The following AZIN1 variants were observed in gnomAD, a reference collection of about 807,000 sequenced individuals.
AZIN1 encodes the protein antizyme inhibitor 1.
AZIN1 carries 12 observed loss-of-function variants against 47.4 expected under a neutral mutation model. The observed-to-expected ratio is 0.25, with a 90% confidence interval of 0.16 to 0.41. The LOEUF (loss-of-function observed/expected upper bound fraction) is 0.41, where lower values mean the gene tolerates loss of function less well. Ranked by LOEUF, AZIN1 falls within the 10% of genes least tolerant of loss-of-function variation. AZIN1 has a pLI of 1.00. For synonymous variants in AZIN1, 155 were observed against 176.3 expected (o/e 0.88, Z 0.96); for missense variants, 410 against 532.4 (o/e 0.77, Z 2.26).
At chr8:102,853,791 A>T (rs1355968262) in intron 2 of AZIN1, among the ~76,000 whole-genome samples, 1 of 151,688 alleles carries the variant, frequency 6.6e-6, no homozygotes, top group Non-Finnish European at 1.5e-5. Flanking sequence ...AACCGCCATT[A>T]ATGAATGTTC....
intron 2 of AZIN1, among the ~76,000 whole-genome samples, chr8:102,849,138 TAA>T (rs1476872033): frequency 6.6e-6 from 1 of 151,878 alleles, no homozygotes; most frequent in South Asian, 2.1e-4. Flanking sequence ...ACTAAAAATA[TAA>T]AAATTAGCTG....
At chr8:102,833,722 G>A (rs1244239193) in intron 8 of AZIN1, among the ~76,000 whole-genome samples, 2 of 150,264 alleles carry the variant, frequency 1.3e-5, no homozygotes, top group Non-Finnish European at 3.0e-5. Flanking sequence ...CAGGAGTTCC[G>A]AGACCAGCCT....
intron 3 of AZIN1, among the ~76,000 whole-genome samples, chr8:102,841,801 T>TA (rs200248209): frequency 0.29 from 32,613 of 111,710 alleles, 3,841 homozygotes; most frequent in Admixed American, 0.35. Context: ...AATATATATA[T>TA]ATATAAAAAA....
chr8:102,840,881 T>C (rs188558855), intron 3 of AZIN1, among the ~76,000 whole-genome samples: 4 of 152,160 alleles, frequency 2.6e-5, no homozygotes, highest in Admixed American at 2.0e-4. Context: ...ATTTTAACAG[T>C]TGTATTAAGT....
chr8:102,843,977 A>G (rs1190567909), intron 2 of AZIN1, among the ~76,000 whole-genome samples: 1 of 152,224 alleles, frequency 6.6e-6, no homozygotes, highest in Non-Finnish European at 1.5e-5. Flanking sequence ...ACTCACATAT[A>G]TACACAATGT....
At chr8:102,863,234 A>G (rs1411699697) in intron 1 of AZIN1, among the ~76,000 whole-genome samples, 1 of 152,012 alleles carries the variant, frequency 6.6e-6, no homozygotes, top group Admixed American at 6.5e-5. Context: ...CGCGCCCCCC[A>G]GGAATCCGAC....
intron 2 of AZIN1, among the ~76,000 whole-genome samples, chr8:102,852,685 T>C (rs565520721): frequency 1.3e-5 from 2 of 152,352 alleles, no homozygotes; most frequent in Admixed American, 6.5e-5. Context: ...AGGTTGAACC[T>C]GACTATCCTA....
chr8:102,829,918 T>C lies in AZIN1; in HGVS notation c.923A>G (p.Asp308Gly), dbSNP rs753633778. ...CATATAATACATGAAGGCTGGTTCA[T>C]CACTTCCGGTTTTTTCTACTGGAAT... Reference protein sequence around the residue: ...FPSGVEKTGSDEPAFMYYMND... With the variant: ...FPSGVEKTGSGEPAFMYYMND... The change falls in exon 10 of 12, where the codon GAT becomes GGT. Residue 308 changes from aspartate to glycine, a missense_variant. By Grantham distance (94) the Asp-to-Gly change is moderately conservative. Transcript: ENST00000337198. 3 of 1,607,024 alleles carry C rather than the reference T, an allele frequency of 1.9e-6. No homozygotes were observed. Among genetic ancestry groups the C allele is most frequent in the African/African-American group, 2.7e-5 (2 of 74,674 alleles).
intron 2 of AZIN1, among the ~76,000 whole-genome samples, chr8:102,852,815 T>A (rs1472059881): frequency 1.3e-5 from 2 of 152,114 alleles, no homozygotes; most frequent in Non-Finnish European, 2.9e-5. Context: ...AATTGCTTGA[T>A]TTGACTGGGC....
At chr8:102,836,412 G>A in intron 5 of AZIN1, 22 bp from the exon 6 acceptor site, 2 of 1,612,094 alleles carry the variant, frequency 1.2e-6, no homozygotes, top group South Asian at 1.1e-5. Flanking sequence ...GGAGATGATT[G>A]GGGCAGAGTT....
chr8:102,839,948 G>A, intron 3 of AZIN1, 125 bp from the exon 4 acceptor site: 2 of 545,300 alleles, frequency 3.7e-6, no homozygotes, highest in Non-Finnish European at 6.1e-6. Flanking sequence ...TTTACATACA[G>A]TAATACATTT....
intron 2 of AZIN1, among the ~76,000 whole-genome samples, chr8:102,845,443 C>G (rs113663138): frequency 0.022 from 3,331 of 152,252 alleles, 106 homozygotes; most frequent in African/African-American, 0.074. Flanking sequence ...TAATTGAGGC[C>G]TATCTAAATA....
At chr8:102,840,032 T>A (rs1339003526) in intron 3 of AZIN1, among the ~76,000 whole-genome samples, 1 of 152,240 alleles carries the variant, frequency 6.6e-6, no homozygotes, top group East Asian at 1.9e-4. Flanking sequence ...TTATATTTGA[T>A]TACTTTTGCT....
At chr8:102,850,273 T>G (rs924371342) in intron 2 of AZIN1, 1 of 152,234 alleles carries the variant, frequency 6.6e-6, no homozygotes, top group African/African-American at 2.4e-5. Flanking sequence ...TGAGAAAAGA[T>G]ATTCTGAAAT....
At chr8:102,861,246 T>C (rs962591091) in intron 1 of AZIN1, among the ~76,000 whole-genome samples, 1 of 152,144 alleles carries the variant, frequency 6.6e-6, no homozygotes, top group African/African-American at 2.4e-5. Flanking sequence ...TTTTTTGAGA[T>C]GAAGTCCCGC....
chr8:102,839,749 C>A lies in AZIN1; in HGVS notation c.177G>T (p.Val59=). ...CTGTGTAGAATGGCTTTATCTGAGC[C>A]ACTACATTCTGCCATTGACTGTGTT... is the stretch of plus-strand genomic sequence containing the variant. ...VKKHSQWQNV[V]AQIKPFYTVK... is the part of the protein sequence containing the mutation. Residue 59 remains valine (V), a synonymous_variant, in exon 4 of 12, where the codon GTG becomes GTT. Transcript: ENST00000337198. The A allele has an allele frequency of 6.2e-7, 1 of 1,608,792 alleles. No individual in the cohort carries two copies. The highest frequency in any genetic ancestry group is 2.2e-5 in the East Asian group (1 of 44,732).
At chr8:102,841,520 G>A (rs1273572253) in intron 3 of AZIN1, among the ~76,000 whole-genome samples, 1 of 152,150 alleles carries the variant, frequency 6.6e-6, no homozygotes, top group Non-Finnish European at 1.5e-5. Context: ...AGTGGCAACT[G>A]AAGAATGGCT....
At chr8:102,861,007 T>C (rs1042124745) in intron 1 of AZIN1, among the ~76,000 whole-genome samples, 1 of 138,066 alleles carries the variant, frequency 7.2e-6, no homozygotes, top group African/African-American at 2.7e-5. Flanking sequence ...ATGTGGTAAC[T>C]TGGATTCTGG....
At chr8:102,860,994 A>T (rs919234235) in intron 1 of AZIN1, among the ~76,000 whole-genome samples, 1 of 150,802 alleles carries the variant, frequency 6.6e-6, no homozygotes, top group Non-Finnish European at 1.5e-5. Context: ...ACAACTAAAT[A>T]CAATGTGGTA....
Sources: allele counts gnomAD v4.1 joint callset (sites outside exome capture counted in the v4.1 genomes callset), GRCh38; gene constraint gnomAD v4.1.1; transcripts MANE v1.5; gene names NCBI Gene and HGNC (gene_info 2026-07-23, HGNC 2026-07-21).